Variants in MAP6 observed in about 807,000 individuals in gnomAD.
MAP6 encodes the protein microtubule-associated protein 6.
MAP6 carries 26 observed loss-of-function variants against 42.4 expected under a neutral mutation model. That is an observed-to-expected ratio of 0.61 (90% CI 0.45 to 0.85). The LOEUF (loss-of-function observed/expected upper bound fraction) is 0.85, where lower values mean the gene tolerates loss of function less well. Ranked by LOEUF, MAP6 falls within the 40% of genes least tolerant of loss-of-function variation. The pLI, the probability that MAP6 is intolerant of heterozygous loss-of-function variation, is 0.00. For synonymous variants in MAP6, 418 were observed against 443.8 expected, an observed-to-expected ratio of 0.94 and a Z score of 0.73; for missense variants, 966 against 1,099.0, an observed-to-expected ratio of 0.88 and a Z score of 1.71.
chr11:75,654,923 G>A (rs1357702244), intron 1 of MAP6, among the ~76,000 whole-genome samples: 1 of 152,168 alleles, frequency 6.6e-6, no homozygotes. Context: ...GCACCTCCCA[G>A]GACTCATAAA....
intron 3 of MAP6, among the ~76,000 whole-genome samples, chr11:75,595,537 C>G (rs1942563117): frequency 1.3e-5 from 2 of 152,200 alleles, no homozygotes; most frequent in South Asian, 4.1e-4. Flanking sequence ...CAGGACACAC[C>G]TCCTCTGCCC....
intron 1 of MAP6, among the ~76,000 whole-genome samples, chr11:75,662,477 T>C (rs927429167): frequency 4.6e-5 from 7 of 152,226 alleles, no homozygotes; most frequent in Admixed American, 2.6e-4. Context: ...AGCTTAAAGA[T>C]GGCAAACCTC....
rs988630661 is a variant in MAP6, at chr11:75,668,072, C to T, written c.298G>A (p.Gly100Ser). The change falls in exon 1 of 4, where the codon GGC (glycine) becomes AGC (serine). Residue 100 changes from glycine (G) to serine (S), a missense_variant. By Grantham distance (56) the Gly-to-Ser change is moderately conservative. Coordinates refer to ENST00000304771, the MANE Select transcript of MAP6 (RefSeq NM_033063.2). Reference protein sequence around the residue: ...TGEREPAAGPGRSGPGPGLGS... With the variant: ...TGEREPAAGPSRSGPGPGLGS... ...AGGCCCGGGCCCGGCCCGCTCCGGC[C>T]GGGGCCCGCCGCCGGCTCGCGCTCG... The T allele has an allele frequency of 1.6e-6, 2 of 1,222,930 alleles. No homozygotes were observed. The highest frequency in any genetic ancestry group is 2.0e-6 in the Non-Finnish European group (2 of 985,134). The allele number at this position is 1,222,930 out of a possible 1,614,324, so 75.8% of individuals were successfully genotyped here.
chr11:75,608,034 C>T, intron 2 of MAP6, 75 bp downstream of exon 2: 10 of 1,425,974 alleles, frequency 7.0e-6, no homozygotes, highest in Non-Finnish European at 9.8e-6. Flanking sequence ...TTGACAGCAG[C>T]CCACCCCATG....
chr11:75,654,372 C>G (rs1396081566), intron 1 of MAP6, among the ~76,000 whole-genome samples: 1 of 152,194 alleles, frequency 6.6e-6, no homozygotes, highest in Non-Finnish European at 1.5e-5. Flanking sequence ...CCCAGTGGAA[C>G]TAACTCCTAA....
At chr11:75,606,623 T>C (rs1590762817) in intron 2 of MAP6, among the ~76,000 whole-genome samples, 1 of 152,212 alleles carries the variant, frequency 6.6e-6, no homozygotes, top group Admixed American at 6.5e-5. Context: ...TGGCTTCCCC[T>C]GTTCTGTCTC....
At chr11:75,631,964 C>T (rs1404167212) in intron 1 of MAP6, among the ~76,000 whole-genome samples, 1 of 152,220 alleles carries the variant, frequency 6.6e-6, no homozygotes, top group Non-Finnish European at 1.5e-5. Context: ...GAAATTATCT[C>T]TGCGAGCCCC....
At chr11:75,642,817 C>T (rs143511825) in intron 1 of MAP6, 216 of 442,100 alleles carry the variant, frequency 4.9e-4, no homozygotes, top group African/African-American at 3.9e-3. Flanking sequence ...ATTGTCACCG[C>T]AGACCTAGGC....
chr11:75,657,499 C>T (rs1463231456), intron 1 of MAP6, among the ~76,000 whole-genome samples: 4 of 152,152 alleles, frequency 2.6e-5, no homozygotes, highest in Non-Finnish European at 4.4e-5. Flanking sequence ...AGGGATGCTG[C>T]TAGACATCCT....
intron 1 of MAP6, among the ~76,000 whole-genome samples, chr11:75,643,422 G>C (rs1192439896): frequency 2.0e-5 from 3 of 152,052 alleles, no homozygotes; most frequent in African/African-American, 7.2e-5. Flanking sequence ...TTGACAGCAG[G>C]GATCCTGGAT....
intron 1 of MAP6, among the ~76,000 whole-genome samples, chr11:75,618,764 C>T (rs1224273662): frequency 6.6e-6 from 1 of 152,132 alleles, no homozygotes; most frequent in African/African-American, 2.4e-5. Flanking sequence ...GGCCAGAGGC[C>T]CCCCTAAATT....
chr11:75,649,582 A>G (rs1943614928), intron 1 of MAP6, among the ~76,000 whole-genome samples: 1 of 152,160 alleles, frequency 6.6e-6, no homozygotes, highest in Non-Finnish European at 1.5e-5. Context: ...TCTGTTGCCC[A>G]GGCTGGAGTG....
intron 1 of MAP6, among the ~76,000 whole-genome samples, chr11:75,657,231 C>A (rs1943766817): frequency 6.6e-6 from 1 of 152,104 alleles, no homozygotes. Flanking sequence ...CTGCCTCAGC[C>A]TCCTGAGTAG....
Position 75,668,148 on chromosome 11 carries a change from G to T in MAP6, c.222C>A (p.Gly74=). 1.6e-6 allele frequency: 2 copies of T among 1,212,348 alleles called. No individual in the cohort carries two copies. Among genetic ancestry groups the T allele is most frequent in the South Asian group, 3.6e-5 (1 of 27,774 alleles). 75.1% of individuals were successfully genotyped at this position (1,212,348 alleles called of 1,614,324 possible). The change falls in exon 1 of 4, where the codon GGC becomes GGA. Residue 74 remains glycine, a synonymous_variant. Coordinates refer to ENST00000304771, the MANE Select transcript of MAP6 (RefSeq NM_033063.2). ...TTGCCCGGGCAACTGCATCCAACTC[G>T]CCCTGGGCTGGCTGCGTCTCTATGG... ...AVAIETQPAQ[G]ELDAVARATG... is the part of the protein sequence containing the mutation.
At chr11:75,662,367 T>A (rs183628188) in intron 1 of MAP6, among the ~76,000 whole-genome samples, 7 of 152,338 alleles carry the variant, frequency 4.6e-5, no homozygotes, top group Non-Finnish European at 7.4e-5. Flanking sequence ...TATATATGTG[T>A]ATGTGATTTT....
chr11:75,603,496 G>C (rs1028522883), intron 3 of MAP6: 1 of 984,724 alleles, frequency 1.0e-6, no homozygotes, highest in African/African-American at 1.8e-5. Context: ...CTCAGTGGGT[G>C]TGTTAAGCAG....
At chr11:75,660,441 T>C (rs1943824874) in intron 1 of MAP6, among the ~76,000 whole-genome samples, 1 of 152,160 alleles carries the variant, frequency 6.6e-6, no homozygotes, top group South Asian at 2.1e-4. Context: ...CTGACTTTTT[T>C]CCCCCTCTAT....
At chr11:75,638,141 G>A (rs1214736189) in intron 1 of MAP6, among the ~76,000 whole-genome samples, 1 of 151,910 alleles carries the variant, frequency 6.6e-6, no homozygotes, top group East Asian at 1.9e-4. Flanking sequence ...GCTTGACTGG[G>A]CCTGGATCTG....
chr11:75,616,817 T>C (rs1441120088), intron 1 of MAP6, among the ~76,000 whole-genome samples: 2 of 152,246 alleles, frequency 1.3e-5, no homozygotes, highest in African/African-American at 4.8e-5. Context: ...GCCAGTATTC[T>C]AATTATTTAG....
Sources: allele counts gnomAD v4.1 joint callset (sites outside exome capture counted in the v4.1 genomes callset), GRCh38; gene constraint gnomAD v4.1.1; transcripts MANE v1.5; gene names NCBI Gene and HGNC (gene_info 2026-07-23, HGNC 2026-07-21).